NEFH: variants seen among roughly 807,000 people sequenced by gnomAD.
NEFH encodes neurofilament heavy polypeptide.
A neutral mutation model predicts 56.6 loss-of-function variants in NEFH; 58 were observed. That is an observed-to-expected ratio of 1.03 (90% CI 0.83 to 1.28). The LOEUF is 1.28. Among genes scored for constraint, NEFH ranks in the 50% most tolerant of loss-of-function variants. The pLI, the probability that NEFH is intolerant of heterozygous loss-of-function variation, is 0.00. For missense variants in NEFH, 1,221 were observed against 1,307.6 expected, an observed-to-expected ratio of 0.93 and a Z score of 1.02; for synonymous variants, 542 against 545.8, an observed-to-expected ratio of 0.99 and a Z score of 0.10.
Position 29,491,229 on chromosome 22 carries a change from T to G in NEFH, c.*526T>G, listed in dbSNP as rs1270181422. The G allele has an allele frequency of 4.8e-6, 1 of 207,266 alleles. No individual in the cohort carries two copies. Among genetic ancestry groups the G allele is most frequent in the Non-Finnish European group, 9.9e-6 (1 of 101,342 alleles). 12.8% of individuals were successfully genotyped at this position (207,266 alleles called of 1,614,324 possible). On this transcript the variant is annotated 3_prime_UTR_variant, in exon 4 of 4. Coordinates refer to ENST00000310624, the MANE Select transcript of NEFH (RefSeq NM_021076.4). Reference sequence around the variant, plus strand: ...CACTGAATTATGCCAGGGCGCACTTTCCACTGGAGTTCACTTTCAATTGCT... The same window carrying G: ...CACTGAATTATGCCAGGGCGCACTTGCCACTGGAGTTCACTTTCAATTGCT...
chr22:29,482,887 G>C (rs1284053407), intron 1 of NEFH, among the ~76,000 whole-genome samples: 1 of 152,228 alleles, frequency 6.6e-6, no homozygotes, highest in Admixed American at 6.5e-5. Flanking sequence ...TGGCCTTGGG[G>C]AGTAGTCACT....
rs1377718470 is a variant in NEFH at position 29,481,125 on chromosome 22, A to T, written c.863A>T (p.Gln288Leu). ...GGCCACGCGGTGCAGAGCACGCTGCAGTCCGAGGAGTGGTTCCGAGGTACG... is the reference window on the plus strand; with the variant it reads ...GGCCACGCGGTGCAGAGCACGCTGCTGTCCGAGGAGTGGTTCCGAGGTACG... ...LEGHAVQSTLQSEEWFRVRLD... is the reference protein window; with the variant it reads ...LEGHAVQSTLLSEEWFRVRLD... The change falls in exon 1 of 4, where the codon CAG (glutamine) becomes CTG (leucine). Residue 288 changes from glutamine to leucine, a missense_variant. Transcript: ENST00000310624. 1 of 1,523,234 alleles carries T rather than the reference A, an allele frequency of 6.6e-7. No homozygotes were observed. The highest frequency in any genetic ancestry group is 1.2e-5 in the South Asian group (1 of 83,690). The allele number at this position is 1,523,234 out of a possible 1,614,324, so 94.4% of individuals were successfully genotyped here.
chr22:29,488,882 C>T lies in NEFH; in HGVS notation c.1242C>T (p.Gly414=). 1.2e-6 allele frequency: 2 copies of T among 1,614,142 alleles called. No individual in the cohort carries two copies. Among genetic ancestry groups the T allele is most frequent in the Non-Finnish European group, 1.7e-6 (2 of 1,180,020 alleles). ...KLLEGEECRI[G]FGPIPFSLPE... is the part of the protein sequence containing the mutation. ...TGGAAGGTGAAGAGTGTCGGATTGGCTTTGGCCCAATTCCTTTCTCGCTTC... is the reference window on the plus strand; with the variant it reads ...TGGAAGGTGAAGAGTGTCGGATTGGTTTTGGCCCAATTCCTTTCTCGCTTC... Residue 414 remains glycine (G), a synonymous_variant, in exon 4 of 4, where the codon GGC becomes GGT. Coordinates refer to ENST00000310624, the MANE Select transcript of NEFH (RefSeq NM_021076.4).
intron 2 of NEFH, 108 bp downstream of exon 2, chr22:29,483,682 T>C (rs747239243): frequency 6.9e-4 from 755 of 1,090,854 alleles, no homozygotes; most frequent in Non-Finnish European, 8.3e-4. Context: ...ATTGTGGCCC[T>C]TGGAGTCAGA....
Position 29,490,298 on chromosome 22 carries a change from A to G in NEFH, c.2658A>G (p.Lys886=). The G allele has an allele frequency of 6.2e-7, 1 of 1,613,024 alleles. No individual in the cohort carries two copies. The highest frequency in any genetic ancestry group is 8.5e-7 in the Non-Finnish European group (1 of 1,179,524). ...AGGAACCTGCTGTCGAAAAGCCCAA[A>G]GAATCCAAAGTTGAAGCCAAGAAGG... The part of the protein sequence containing the change: ...EKKEPAVEKP[K]ESKVEAKKEE... Residue 886 remains lysine (K), a synonymous_variant, in exon 4 of 4, where the codon AAA becomes AAG. Coordinates refer to ENST00000310624, the MANE Select transcript of NEFH (RefSeq NM_021076.4).
rs777942766 is a variant in NEFH at position 29,480,598 on chromosome 22, C to A, written c.336C>A (p.Ile112=). 7.7e-6 allele frequency: 12 copies of A among 1,562,648 alleles called. No individual in the cohort carries two copies. The highest frequency in any genetic ancestry group is 5.6e-5 in the Admixed American group (3 of 53,942). ...QALNDRFAGY[I]DKVRQLEAHN... is the part of the protein sequence containing the mutation. Reference sequence around the variant, plus strand: ...TGAACGACCGCTTCGCCGGGTACATCGACAAGGTGCGGCAGCTGGAGGCGC... The same window carrying A: ...TGAACGACCGCTTCGCCGGGTACATAGACAAGGTGCGGCAGCTGGAGGCGC... The change falls in exon 1 of 4, where the codon ATC becomes ATA. Residue 112 remains isoleucine, a synonymous_variant. Transcript: ENST00000310624.
At position 29,490,726 on chromosome 22, in the gene NEFH, G is replaced by C. The variant is rs980359345; in HGVS notation, c.*23G>C. 1.9e-6 allele frequency: 3 copies of C among 1,613,618 alleles called. No homozygotes were observed. The Admixed American group carries it at 5.0e-5, about 27-fold the overall frequency. On this transcript the variant is annotated 3_prime_UTR_variant, in exon 4 of 4. Coordinates refer to ENST00000310624, the MANE Select transcript of NEFH (RefSeq NM_021076.4). Reference sequence around the variant, plus strand: ...TAAGGCAGGGAGAAAGGAACATCCGGAACAGCCAAAGAAACTCAGAAGAGT... The same window carrying C: ...TAAGGCAGGGAGAAAGGAACATCCGCAACAGCCAAAGAAACTCAGAAGAGT...
intron 3 of NEFH, among the ~76,000 whole-genome samples, chr22:29,486,267 T>C (rs992410340): frequency 6.6e-6 from 1 of 151,832 alleles, no homozygotes; most frequent in Non-Finnish European, 1.5e-5. Flanking sequence ...TCAAGCCCTC[T>C]GCCCACCTCA....
At chr22:29,481,260 A>G in intron 1 of NEFH, 115 bp downstream of exon 1, 2 of 1,056,352 alleles carry the variant, frequency 1.9e-6, no homozygotes, top group Non-Finnish European at 2.7e-6. Context: ...CGCGCTGCTC[A>G]CCTTCCCTCT....
rs753504288 is a variant in NEFH at position 29,489,840 on chromosome 22, G to A, written c.2200G>A (p.Glu734Lys). The A allele has an allele frequency of 1.1e-5, 17 of 1,584,338 alleles. No homozygotes were observed. Among genetic ancestry groups the A allele is most frequent in the Admixed American group, 3.5e-5 (2 of 57,874 alleles). ...SPVKEEAKTP[E>K]KAKSPVKEEA... is the part of the protein sequence containing the mutation. Reference sequence around the variant, plus strand: ...AGTGAAGGAAGAAGCAAAGACCCCCGAGAAGGCCAAGTCCCCAGTGAAGGA... The same window carrying A: ...AGTGAAGGAAGAAGCAAAGACCCCCAAGAAGGCCAAGTCCCCAGTGAAGGA... Residue 734 changes from glutamate (E) to lysine (K), a missense_variant, in exon 4 of 4, where the codon GAG becomes AAG. Glu to Lys is a moderately conservative substitution (Grantham distance 56). This residue lies in a region of NEFH where 301 missense variants were observed against 346.6 expected (regional missense o/e 0.87). Transcript: ENST00000310624.
Position 29,485,672 on chromosome 22 carries a change from TGAGGGCCAGACA to T in NEFH, c.1084-50_1084-39del, listed in dbSNP as rs1242828191. 2.5e-6 allele frequency: 4 copies of T among 1,598,190 alleles called. No homozygotes were observed. The Admixed American group carries it at 7.0e-5, about 28-fold the overall frequency. On this transcript the variant is annotated intron_variant, in intron 2 of 3. Coordinates refer to ENST00000310624, the MANE Select transcript of NEFH (RefSeq NM_021076.4). ...CAGCCCGCCGCAGCTTCTCTGGTACTGAGGGCCAGACACTGGCTGGCATGTGATGTGTGTCAC... is the reference window on the plus strand; with the variant it reads ...CAGCCCGCCGCAGCTTCTCTGGTACTCTGGCTGGCATGTGATGTGTGTCAC...
At chr22:29,481,893 G>A (rs561113494) in intron 1 of NEFH, among the ~76,000 whole-genome samples, 74 of 152,310 alleles carry the variant, frequency 4.9e-4, no homozygotes, top group African/African-American at 1.8e-3. Context: ...AGCAGCTGCA[G>A]GGTGACCTTG....
At chr22:29,488,711 A>G in intron 3 of NEFH, 138 bp from the exon 4 acceptor site, 2 of 825,904 alleles carry the variant, frequency 2.4e-6, no homozygotes, top group South Asian at 2.9e-5. Context: ...CTAGTCTCAT[A>G]ATGCCCACCA....
chr22:29,485,384 T>C (rs1001904677), intron 2 of NEFH, among the ~76,000 whole-genome samples: 1 of 152,178 alleles, frequency 6.6e-6, no homozygotes, highest in South Asian at 2.1e-4. Context: ...AATACAGGCT[T>C]GAGCCACCAC....
chr22:29,488,870 G>A lies in NEFH; in HGVS notation c.1230G>A (p.Glu410=). The A allele has an allele frequency of 6.2e-7, 1 of 1,614,252 alleles. No individual in the cohort carries two copies. Among genetic ancestry groups the A allele is most frequent in the Non-Finnish European group, 8.5e-7 (1 of 1,180,044 alleles). Residue 410 remains glutamate (E), a synonymous_variant, in exon 4 of 4, where the codon GAG becomes GAA. Transcript: ENST00000310624. ...AAYRKLLEGE[E]CRIGFGPIPF... ...GCAGAAAACTCCTGGAAGGTGAAGAGTGTCGGATTGGCTTTGGCCCAATTC... is the reference window on the plus strand; with the variant it reads ...GCAGAAAACTCCTGGAAGGTGAAGAATGTCGGATTGGCTTTGGCCCAATTC...
chr22:29,483,763 G>C (rs2063027052), intron 2 of NEFH, among the ~76,000 whole-genome samples, 189 bp downstream of exon 2: 1 of 107,528 alleles, frequency 9.3e-6, no homozygotes, highest in African/African-American at 4.0e-5. Flanking sequence ...TTCCTTTCCA[G>C]CCATGAAAAA....
chr22:29,482,131 C>T (rs949616089), intron 1 of NEFH, among the ~76,000 whole-genome samples: 4 of 152,188 alleles, frequency 2.6e-5, no homozygotes, highest in Non-Finnish European at 4.4e-5. Context: ...AAGTCTTTGC[C>T]AGCACTAGCA....
intron 1 of NEFH, among the ~76,000 whole-genome samples, chr22:29,482,086 A>G (rs891426851): frequency 1.3e-5 from 2 of 152,240 alleles, no homozygotes; most frequent in South Asian, 4.1e-4. Context: ...GTGATCGACA[A>G]TAGTTGAGAA....
chr22:29,480,632 A>T lies in NEFH; in HGVS notation c.370A>T (p.Ser124Cys). 4 of 1,563,944 alleles carry T rather than the reference A, an allele frequency of 2.6e-6. No homozygotes were observed. Among genetic ancestry groups the T allele is most frequent in the Non-Finnish European group, 3.4e-6 (4 of 1,164,548 alleles). Reference protein sequence around the residue: ...KVRQLEAHNRSLEGEAAALRQ... With the variant: ...KVRQLEAHNRCLEGEAAALRQ... ...GCGGCAGCTGGAGGCGCACAACCGC[A>T]GCCTGGAGGGCGAGGCTGCGGCGCT... The change falls in exon 1 of 4, where the codon AGC (serine) becomes TGC (cysteine). Residue 124 changes from serine to cysteine, a missense_variant. By Grantham distance (112) the Ser-to-Cys change is moderately radical. This residue lies in a region of NEFH where 640 missense variants were observed against 555.5 expected (regional missense o/e 1.15). Transcript: ENST00000310624.
Sources: allele counts gnomAD v4.1 joint callset (sites outside exome capture counted in the v4.1 genomes callset), GRCh38; gene constraint gnomAD v4.1.1; regional missense constraint gnomAD v4.1.1; transcripts MANE v1.5; gene names NCBI Gene and HGNC (gene_info 2026-07-23, HGNC 2026-07-21).